The following ZNF804B variants were observed in gnomAD, a reference collection of about 807,000 sequenced individuals.
The protein encoded by ZNF804B is zinc finger protein 804B.
A neutral mutation model predicts 101.4 loss-of-function variants in ZNF804B; 80 were observed. That is an observed-to-expected ratio of 0.79 (90% confidence interval 0.66 to 0.95). The LOEUF (loss-of-function observed/expected upper bound fraction) is 0.95. Ranked by LOEUF, ZNF804B falls within the 40% of genes least tolerant of loss-of-function variation. The pLI, the probability that ZNF804B is intolerant of heterozygous loss-of-function variation, is 0.00. For synonymous variants in ZNF804B, 622 were observed against 558.8 expected (o/e 1.11, Z -1.59); for missense variants, 1,673 against 1,561.9 (o/e 1.07, Z -1.20).
At chr7:89,214,375 T>A (rs945761047) in intron 1 of ZNF804B, among the ~76,000 whole-genome samples, 1 of 151,914 alleles carries the variant, frequency 6.6e-6, no homozygotes, top group African/African-American at 2.4e-5. Flanking sequence ...AATGAATGAA[T>A]TCATTATATA....
intron 2 of ZNF804B, among the ~76,000 whole-genome samples, chr7:89,306,720 A>T (rs1790567422): frequency 6.6e-6 from 1 of 151,900 alleles, no homozygotes; most frequent in Non-Finnish European, 1.5e-5. Context: ...ATACATAAAA[A>T]TGAATGAAGA....
At chr7:89,156,019 C>CCTTTCTTT (rs58720640) in intron 1 of ZNF804B, among the ~76,000 whole-genome samples, 5,818 of 121,706 alleles carry the variant, frequency 0.048, 182 homozygotes, top group East Asian at 0.13. Flanking sequence ...TTCTCTCTTT[C>CCTTTCTTT]CTTTCTTTCT....
At chr7:88,803,123 A>G (rs1790615145) in intron 1 of ZNF804B, among the ~76,000 whole-genome samples, 1 of 152,110 alleles carries the variant, frequency 6.6e-6, no homozygotes, top group South Asian at 2.1e-4. Flanking sequence ...TGTATTTTCC[A>G]ATTTTTTCAA....
At chr7:88,796,759 T>C (rs1012630531) in intron 1 of ZNF804B, among the ~76,000 whole-genome samples, 4 of 152,104 alleles carry the variant, frequency 2.6e-5, no homozygotes, top group African/African-American at 9.7e-5. Context: ...TATGTCTCTT[T>C]TGTGAGGGCA....
intron 1 of ZNF804B, among the ~76,000 whole-genome samples, chr7:88,934,660 T>C (rs1792939907): frequency 6.6e-6 from 1 of 151,770 alleles, no homozygotes; most frequent in Admixed American, 6.6e-5. Flanking sequence ...TACCAATTAT[T>C]AGGGAGGTGC....
chr7:88,830,892 T>C (rs1791122861), intron 1 of ZNF804B, among the ~76,000 whole-genome samples: 1 of 151,986 alleles, frequency 6.6e-6, no homozygotes, highest in African/African-American at 2.4e-5. Flanking sequence ...GTTCATGTAT[T>C]TGCCCACTTT....
chr7:88,944,642 A>G (rs895029293), intron 1 of ZNF804B, among the ~76,000 whole-genome samples: 3 of 151,846 alleles, frequency 2.0e-5, no homozygotes, highest in African/African-American at 7.2e-5. Context: ...AACTATTTAC[A>G]TAGTATTTAC....
chr7:88,820,474 G>A (rs886859093), intron 1 of ZNF804B, among the ~76,000 whole-genome samples: 6 of 152,258 alleles, frequency 3.9e-5, no homozygotes, highest in South Asian at 2.1e-4. Context: ...GAGAAGTCAA[G>A]CCATGAGCCT....
chr7:89,254,040 T>C (rs2115794838), intron 2 of ZNF804B, among the ~76,000 whole-genome samples: 1 of 152,304 alleles, frequency 6.6e-6, no homozygotes, highest in African/African-American at 2.4e-5. Context: ...ATGTTATTAA[T>C]GGCACATGTT....
chr7:88,857,398 C>A (rs1479191321), intron 1 of ZNF804B, among the ~76,000 whole-genome samples: 1 of 152,060 alleles, frequency 6.6e-6, no homozygotes, highest in Admixed American at 6.6e-5. Context: ...AGAGAAGAAT[C>A]AAATAGATGC....
At chr7:89,209,400 TC>T (rs1289508092) in intron 1 of ZNF804B, among the ~76,000 whole-genome samples, 1 of 152,214 alleles carries the variant, frequency 6.6e-6, no homozygotes, top group East Asian at 1.9e-4. Flanking sequence ...TATGTCTCAT[TC>T]CAAGTCTGGC....
At chr7:88,783,694 A>C (rs1005724217) in intron 1 of ZNF804B, among the ~76,000 whole-genome samples, 10 of 152,154 alleles carry the variant, frequency 6.6e-5, no homozygotes, top group African/African-American at 9.6e-5. Flanking sequence ...GGGAATGGTA[A>C]AAGAGTAGAT....
intron 2 of ZNF804B, among the ~76,000 whole-genome samples, chr7:89,219,901 GTGTGTGCATATATATGTATATACATATA>G (rs1554380117): frequency 9.9e-5 from 2 of 20,186 alleles, no homozygotes; most frequent in East Asian, 6.0e-3. Flanking sequence ...ATGTATATAT[GTGTGTGCATATATATGTATATACATATA>G]TGTGTGCATA....
At position 88,854,525 on chromosome 7, in the gene ZNF804B, CCTTTCCTT is replaced by C. The variant is rs796372632; in HGVS notation, c.108+94443_108+94450del. ...TCCTTTCCTTTCCTTTCCTTTCCTT[CCTTTCCTT>C]CCTTCCTTCCTTCCTTCCTTCCTTC... On this transcript the variant is annotated intron_variant, in intron 1 of 3. Coordinates refer to ENST00000333190, the MANE Select transcript of ZNF804B (RefSeq NM_181646.5). Among the ~76,000 whole-genome samples the C allele has an allele frequency of 5.9e-4, 30 of 50,584 alleles. 1 individual carries two copies. The highest frequency in any genetic ancestry group is 3.4e-3 in the African/African-American group (30 of 8,954). The allele number at this position is 50,584 out of a possible 152,430, so 33.2% of individuals were successfully genotyped here. A position where few individuals can be genotyped will look rare whatever the true frequency, so the allele number is the denominator to read the frequency against.
Position 88,763,430 on chromosome 7 carries a change from T to C in ZNF804B, c.108+3346T>C, listed in dbSNP as rs189672624. Among the ~76,000 whole-genome samples the C allele has an allele frequency of 4.1e-3, 619 of 152,274 alleles. 8 individuals are homozygous for C. The highest frequency in any genetic ancestry group is 0.011 in the South Asian group (52 of 4,830). On this transcript the variant is annotated intron_variant, in intron 1 of 3. Coordinates refer to ENST00000333190, the MANE Select transcript of ZNF804B (RefSeq NM_181646.5). Reference sequence around the variant, plus strand: ...AAAACATGGTAATGTCTTTTATCTATTGCATCTTTCTTCTTTTTAGAGACT... The same window carrying C: ...AAAACATGGTAATGTCTTTTATCTACTGCATCTTTCTTCTTTTTAGAGACT...
chr7:89,225,036 GT>G (rs1478151383), intron 2 of ZNF804B, among the ~76,000 whole-genome samples: 1 of 151,958 alleles, frequency 6.6e-6, no homozygotes, highest in Non-Finnish European at 1.5e-5. Flanking sequence ...TGTTCCCTCT[GT>G]CTGGAAAATT....
At chr7:88,884,480 G>A (rs557999044) in intron 1 of ZNF804B, among the ~76,000 whole-genome samples, 15 of 151,112 alleles carry the variant, frequency 9.9e-5, no homozygotes, top group East Asian at 1.9e-4. Flanking sequence ...TAATTTTGGC[G>A]TTTTATCTTA....
chr7:88,802,112 C>G (rs1790601314), intron 1 of ZNF804B, among the ~76,000 whole-genome samples: 1 of 152,024 alleles, frequency 6.6e-6, no homozygotes. Context: ...TGCTCGCTCC[C>G]TCCCGCCTCA....
chr7:89,100,957 C>T (rs915297263), intron 1 of ZNF804B, among the ~76,000 whole-genome samples: 1 of 151,834 alleles, frequency 6.6e-6, no homozygotes, highest in Non-Finnish European at 1.5e-5. Context: ...TGTATATACA[C>T]AGGTATGTAT....
Sources: gnomAD v4.1 joint callset for allele counts (sites outside exome capture counted in the v4.1 genomes callset) on GRCh38, gnomAD v4.1.1 for gene constraint, MANE v1.5 for transcripts, NCBI Gene and HGNC (gene_info 2026-07-23, HGNC 2026-07-21) for gene names.